Variants in GSE1 observed in about 807,000 individuals in gnomAD.
The protein encoded by GSE1 is genetic suppressor element 1.
GSE1 carries 32 observed loss-of-function variants against 112.6 expected under a neutral mutation model. That is an observed-to-expected ratio of 0.28 (90% CI 0.21 to 0.38). The LOEUF (loss-of-function observed/expected upper bound fraction) is 0.38, where lower values mean the gene tolerates loss of function less well. GSE1 is among the 10% of genes least tolerant of loss of function. The probability of loss-of-function intolerance (pLI) is 1.00; values close to 1 mark genes in which losing one functional copy is unlikely to be tolerated. For synonymous variants in GSE1, 1,115 were observed against 735.6 expected, an observed-to-expected ratio of 1.52 and a Z score of -8.35; for missense variants, 2,348 against 1,699.2, an observed-to-expected ratio of 1.38 and a Z score of -6.71.
intron 6 of GSE1, 140 bp from the exon 7 acceptor site, chr16:85,656,203 C>T (rs895951771): frequency 2.8e-6 from 3 of 1,062,234 alleles, no homozygotes; most frequent in Admixed American, 2.3e-5. Context: ...CTTCCTGCAC[C>T]AGTGAAACCC....
At chr16:85,287,044 T>G (rs1260780239) in intron 1 of GSE1, among the ~76,000 whole-genome samples, 1 of 152,232 alleles carries the variant, frequency 6.6e-6, no homozygotes, top group Non-Finnish European at 1.5e-5. Context: ...CTCTTGTTTC[T>G]CCAGCGCCTC....
At chr16:85,171,754 C>T (rs2074361799) in exon 1 of GSE1, 1 of 985,592 alleles carries the variant, frequency 1.0e-6, no homozygotes. Flanking sequence ...GGGCCAAGGG[C>T]TCACCCGCCA....
intron 2 of GSE1, among the ~76,000 whole-genome samples, chr16:85,451,213 T>C (rs1198073030): frequency 2.6e-5 from 4 of 152,050 alleles, no homozygotes; most frequent in African/African-American, 9.7e-5. Context: ...ATTTACAAAA[T>C]TTTGCCTCCA....
At chr16:85,175,931 C>T (rs1026141375) in intron 1 of GSE1, among the ~76,000 whole-genome samples, 3 of 152,230 alleles carry the variant, frequency 2.0e-5, no homozygotes, top group African/African-American at 4.8e-5. Flanking sequence ...AGCGTCGGGC[C>T]TGAGTCCAGC....
chr16:85,632,818 C>T (rs559723994), intron 1 of GSE1, among the ~76,000 whole-genome samples: 2 of 152,198 alleles, frequency 1.3e-5, no homozygotes, highest in African/African-American at 4.8e-5. Flanking sequence ...AAGCCGGGAC[C>T]CTGTCTGTGG....
rs2053589320 is a variant in GSE1, at chr16:85,674,758, T to TGA, written c.*2223_*2224dup. On this transcript the variant is annotated 3_prime_UTR_variant, in exon 16 of 16. Coordinates refer to ENST00000253458, the MANE Select transcript of GSE1 (RefSeq NM_014615.5). ...AGCACAGGGGACAGGTGGCACACCA[T>TGA]GAGAGGTCTGCCCAGGGTGGGAGCA... 1 of 152,344 alleles carries TGA rather than the reference T, an allele frequency of 6.6e-6. No individual in the cohort carries two copies. Among genetic ancestry groups the TGA allele is most frequent in the African/African-American group, 2.4e-5 (1 of 41,426 alleles). 9.4% of individuals were successfully genotyped at this position (152,344 alleles called of 1,614,324 possible).
At chr16:85,244,875 C>T (rs536062918) in intron 1 of GSE1, among the ~76,000 whole-genome samples, 1 of 151,540 alleles carries the variant, frequency 6.6e-6, no homozygotes, top group Admixed American at 6.6e-5. Flanking sequence ...CCTGTAGTCC[C>T]AGCTACTCAA....
chr16:85,432,467 C>G (rs1000108883), intron 2 of GSE1, among the ~76,000 whole-genome samples: 1 of 152,230 alleles, frequency 6.6e-6, no homozygotes, highest in African/African-American at 2.4e-5. Flanking sequence ...TCCCAGGTGC[C>G]GAGCAGCTGA....
At chr16:85,595,711 T>G (rs920203904) in intron 1 of GSE1, 5 of 149,092 alleles carry the variant, frequency 3.4e-5, no homozygotes, top group African/African-American at 1.2e-4. Context: ...CACCCATTCA[T>G]TCATGCACCT....
chr16:85,276,525 G>T (rs1306919738), intron 1 of GSE1, among the ~76,000 whole-genome samples: 1 of 152,230 alleles, frequency 6.6e-6, no homozygotes, highest in Non-Finnish European at 1.5e-5. Context: ...CACTGAGCAG[G>T]TTCAGCCAAG....
intron 8 of GSE1, chr16:85,659,497 G>A (rs772658910): frequency 6.6e-6 from 1 of 152,216 alleles, no homozygotes; most frequent in Non-Finnish European, 1.5e-5. Context: ...TCCCAGCTAA[G>A]TCCAGCACAA....
intron 1 of GSE1, among the ~76,000 whole-genome samples, chr16:85,269,957 G>T (rs74031760): frequency 6.7e-6 from 1 of 149,528 alleles, no homozygotes; most frequent in East Asian, 1.9e-4. Flanking sequence ...TAGTGAGCCC[G>T]TGTTGCAGGT....
At chr16:85,616,637 C>T (rs1305823481) in intron 1 of GSE1, among the ~76,000 whole-genome samples, 1 of 152,048 alleles carries the variant, frequency 6.6e-6, no homozygotes, top group Non-Finnish European at 1.5e-5. Flanking sequence ...ATCCATGTTG[C>T]AGGTGACATT....
At chr16:85,581,162 CCT>C (rs1399957867) in intron 1 of GSE1, among the ~76,000 whole-genome samples, 2 of 152,162 alleles carry the variant, frequency 1.3e-5, no homozygotes, top group Non-Finnish European at 2.9e-5. Flanking sequence ...CACATGGGCT[CCT>C]CTCTCCGCAG....
intron 11 of GSE1, among the ~76,000 whole-genome samples, chr16:85,663,877 G>T (rs988779557): frequency 6.6e-6 from 1 of 152,254 alleles, no homozygotes; most frequent in Admixed American, 6.5e-5. Context: ...CCCAGCGCCC[G>T]AGAAGGCGCT....
At chr16:85,322,322 G>T (rs1330787632) in intron 1 of GSE1, among the ~76,000 whole-genome samples, 1 of 152,208 alleles carries the variant, frequency 6.6e-6, no homozygotes, top group Non-Finnish European at 1.5e-5. Flanking sequence ...GTGGCAGTGG[G>T]GGAAGGGGAG....
chr16:85,404,686 A>T (rs1224135425), intron 2 of GSE1, among the ~76,000 whole-genome samples: 6 of 36,952 alleles, frequency 1.6e-4, no homozygotes, highest in African/African-American at 2.1e-4. Flanking sequence ...TCACTGTTAC[A>T]CTCAGGCCCC....
At chr16:85,308,392 G>A (rs745357872) in intron 1 of GSE1, among the ~76,000 whole-genome samples, 3 of 152,184 alleles carry the variant, frequency 2.0e-5, no homozygotes, top group East Asian at 1.9e-4. Flanking sequence ...GATCAAAACA[G>A]AGAAGCTTCT....
In GSE1 at chr16:85,232,861, T is replaced by G. The variant is rs140373560; in HGVS notation, c.2283+61054T>G. On this transcript the variant is annotated intron_variant, in intron 1 of 2. Transcript: ENST00000637419. ...AACCCTATGTTAGGATTCTTTCTGA[T>G]CCAAATGAATGAATGAATGAATGGT... Among the ~76,000 whole-genome samples, 14 of 152,084 alleles carry G rather than the reference T, an allele frequency of 9.2e-5. No individual in the cohort carries two copies. The East Asian group carries it at 2.7e-3, about 29-fold the overall frequency.
Sources: allele counts gnomAD v4.1 joint callset (sites outside exome capture counted in the v4.1 genomes callset), GRCh38; gene constraint gnomAD v4.1.1; transcripts MANE v1.5; gene names NCBI Gene and HGNC (gene_info 2026-07-23, HGNC 2026-07-21).